The following OXNAD1 variants were observed in gnomAD, a reference collection of about 807,000 sequenced individuals.
OXNAD1 encodes the protein oxidoreductase NAD-binding domain-containing protein 1.
In OXNAD1, 34 loss-of-function variants were observed where a neutral mutation model predicts 32.9. The ratio of observed to expected loss-of-function variants is 1.03; its 90% CI spans 0.79 to 1.38. The LOEUF (loss-of-function observed/expected upper bound fraction) is 1.38. Among genes scored for constraint, OXNAD1 ranks in the 40% most tolerant of loss-of-function variants. The pLI is 0.00. For missense variants in OXNAD1, 407 were observed against 379.4 expected (o/e 1.07, Z -0.60); for synonymous variants, 134 against 135.2 (o/e 0.99, Z 0.06).
chr3:16,276,834 A>G (rs1295363872), intron 4 of OXNAD1, among the ~76,000 whole-genome samples: 1 of 152,156 alleles, frequency 6.6e-6, no homozygotes, highest in Non-Finnish European at 1.5e-5. Flanking sequence ...CCCACAAGTC[A>G]GAAAATTACA....
At position 16,271,147 on chromosome 3, in the gene OXNAD1, A is replaced by T. The variant is rs2064904921; in HGVS notation, c.119+76A>T. 6.6e-7 allele frequency: 1 copy of T among 1,522,308 alleles called. No individual in the cohort carries two copies. The highest frequency in any genetic ancestry group is 1.4e-5 in the African/African-American group (1 of 72,382). 94.3% of individuals were successfully genotyped at this position (1,522,308 alleles called of 1,614,324 possible). The stretch of plus-strand genomic sequence containing the variant: ...CGACCTGCTGATGGTTGTGGGAGGC[A>T]TATCAAACTCCCGGAAAGGTAACAC... On this transcript the variant is annotated intron_variant, in intron 3 of 8. Coordinates refer to ENST00000285083, the MANE Select transcript of OXNAD1 (RefSeq NM_138381.5). The surrounding 1 kb of genome is among the most constrained non-coding windows in gnomAD (Gnocchi z 4.6).
intron 4 of OXNAD1, chr3:16,272,429 G>T (rs113228139): frequency 0.044 from 5,524 of 124,754 alleles, 115 homozygotes; most frequent in Middle Eastern, 0.096. Context: ...ATAAGTATAT[G>T]TAAGCTAACA....
intron 4 of OXNAD1, chr3:16,272,202 G>C: frequency 4.4e-6 from 2 of 450,188 alleles, no homozygotes; most frequent in Non-Finnish European, 8.9e-6. Context: ...AAGTGGACGA[G>C]CTCTTGTTAC....
At chr3:16,292,230 C>T (rs111273930) in intron 5 of OXNAD1, among the ~76,000 whole-genome samples, 4,740 of 143,896 alleles carry the variant, frequency 0.033, 103 homozygotes, top group Middle Eastern at 0.092. Flanking sequence ...CTCACTCTGT[C>T]GCCCAGGCTG....
rs956851016 is a variant in OXNAD1 at position 16,312,647 on chromosome 3, T to C, written c.*30+9055T>C. Among the ~76,000 whole-genome samples, 1 of 152,212 alleles carries C rather than the reference T, an allele frequency of 6.6e-6. No individual in the cohort carries two copies. The highest frequency in any genetic ancestry group is 1.5e-5 in the Non-Finnish European group (1 of 68,018). Reference sequence around the variant, plus strand: ...ACGAGTCGTGAGTTTGGGGTCAACCTATTCCTACTAATAAGCACTGTCTAC... The same window carrying C: ...ACGAGTCGTGAGTTTGGGGTCAACCCATTCCTACTAATAAGCACTGTCTAC... On this transcript the variant is annotated intron_variant, in intron 9 of 9. Coordinates refer to the OXNAD1 transcript ENST00000435829. This position sits in a 1 kb window ranked among gnomAD's most constrained non-coding sequence, Gnocchi z 4.7.
chr3:16,328,457 C>T (rs1274423795), intron 9 of OXNAD1, among the ~76,000 whole-genome samples: 1 of 152,188 alleles, frequency 6.6e-6, no homozygotes, highest in Non-Finnish European at 1.5e-5. Context: ...ACCTACCTGC[C>T]CTGTCTCTTC....
At chr3:16,307,736 AC>A (rs2067662139), downstream of OXNAD1, among the ~76,000 whole-genome samples, 2 of 83,882 alleles carry the variant, frequency 2.4e-5, no homozygotes, top group Non-Finnish European at 4.4e-5. Flanking sequence ...TATTTTTTAA[AC>A]TTTTTGTTTT....
Position 16,301,875 on chromosome 3 carries a change from G to A in OXNAD1, c.675+7G>A, listed in dbSNP as rs1323460114. On this transcript the variant is annotated splice_region_variant and intron_variant, in intron 7 of 8. Transcript: ENST00000285083. This position sits in a 1 kb window ranked among gnomAD's most constrained non-coding sequence, Gnocchi z 4.1. ...CAGCGAACTCCTGTTTAAGGTAAGG[G>A]AGGTATAGCTTGCTGTAAGCAAACT... 1 of 1,612,230 alleles carries A rather than the reference G, an allele frequency of 6.2e-7. No homozygotes were observed. The highest frequency in any genetic ancestry group is 2.2e-5 in the East Asian group (1 of 44,842).
chr3:16,278,494 A>T (rs1160897805), intron 4 of OXNAD1, among the ~76,000 whole-genome samples: 5 of 152,164 alleles, frequency 3.3e-5, no homozygotes, highest in Non-Finnish European at 7.4e-5. Flanking sequence ...CTGCTTCCTC[A>T]TTTGCCTGAA....
Position 16,271,764 on chromosome 3 carries a change from GT to G in OXNAD1, c.183+45del. 6 of 1,538,712 alleles carry G rather than the reference GT, an allele frequency of 3.9e-6. No homozygotes were observed. Among genetic ancestry groups the G allele is most frequent in the Non-Finnish European group, 5.3e-6 (6 of 1,127,836 alleles). On this transcript the variant is annotated intron_variant, in intron 4 of 8. Coordinates refer to ENST00000285083, the MANE Select transcript of OXNAD1 (RefSeq NM_138381.5). This position sits in a 1 kb window ranked among gnomAD's most constrained non-coding sequence, Gnocchi z 4.6. ...TATGACAGGTTTTTCCAGCTAGACC[GT>G]TTACATGTGGTTATGACTGGCTTAT...
intron 1 of OXNAD1, among the ~76,000 whole-genome samples, chr3:16,266,774 A>T (rs2064550012): frequency 6.6e-6 from 1 of 152,150 alleles, no homozygotes; most frequent in Admixed American, 6.5e-5. Context: ...ATTAGGATTG[A>T]TTTTAGTAAC....
At chr3:16,343,063 T>C (rs2071416617) in intron 9 of OXNAD1, among the ~76,000 whole-genome samples, 1 of 152,170 alleles carries the variant, frequency 6.6e-6, no homozygotes, top group African/African-American at 2.4e-5. Flanking sequence ...CAGGCTGGTT[T>C]TGAACTCCTG....
In OXNAD1 at chr3:16,321,593, C is replaced by G. The variant is rs1233332968; in HGVS notation, c.*31-15519C>G. 6.6e-6 allele frequency among the ~76,000 whole-genome samples: 1 copy of G among 152,198 alleles called. No individual in the cohort carries two copies. The highest frequency in any genetic ancestry group is 1.5e-5 in the Non-Finnish European group (1 of 68,024). Reference sequence around the variant, plus strand: ...CAAGGAGTCTGGCTGTGAAGCCCCCCTCTCTGGAGGACTCCCATCTGTGAG... The same window carrying G: ...CAAGGAGTCTGGCTGTGAAGCCCCCGTCTCTGGAGGACTCCCATCTGTGAG... On this transcript the variant is annotated intron_variant, in intron 9 of 9. Transcript: ENST00000435829. This position sits in a 1 kb window ranked among gnomAD's most constrained non-coding sequence, Gnocchi z 4.8.
rs1404628553 is a variant in OXNAD1 at position 16,298,310 on chromosome 3, TC to T, written c.433-3314del. Among the ~76,000 whole-genome samples the T allele has an allele frequency of 6.6e-6, 1 of 152,126 alleles. No homozygotes were observed. The highest frequency in any genetic ancestry group is 2.4e-5 in the African/African-American group (1 of 41,422). On this transcript the variant is annotated intron_variant, in intron 6 of 8. Transcript: ENST00000285083. The surrounding 1 kb of genome is among the most constrained non-coding windows in gnomAD (Gnocchi z 5.1). ...TTGAAATAAGCATAGCCATCCCAGT[TC>T]CTAGTGCCATGAACATCTCCCCATC... is the stretch of plus-strand genomic sequence containing the variant.
chr3:16,341,870 T>TA (rs1203975226), downstream of OXNAD1, among the ~76,000 whole-genome samples: 2 of 152,144 alleles, frequency 1.3e-5, no homozygotes, highest in Non-Finnish European at 2.9e-5. This position sits in a 1 kb window ranked among gnomAD's most constrained non-coding sequence, Gnocchi z 4.7. Context: ...ACCATTTTTG[T>TA]AAAAAATATG....
chr3:16,345,856 A>G lies in OXNAD1; in HGVS notation c.*31-3320A>G, dbSNP rs532818186. ...CGCGCACGCGCACATGTGCATGTGTATGTGTATAATCTCCTACTGGTTCTG... is the reference window on the plus strand; with the variant it reads ...CGCGCACGCGCACATGTGCATGTGTGTGTGTATAATCTCCTACTGGTTCTG... On this transcript the variant is annotated intron_variant, in intron 9 of 9. Coordinates refer to the OXNAD1 transcript ENST00000606098. The surrounding 1 kb of genome is among the most constrained non-coding windows in gnomAD (Gnocchi z 5.2). Among the ~76,000 whole-genome samples, 1,077 of 41,388 alleles carry G rather than the reference A, an allele frequency of 0.026. 8 individuals are homozygous for G. The highest frequency in any genetic ancestry group is 0.074 in the African/African-American group (498 of 6,702). 27.2% of individuals were successfully genotyped at this position (41,388 alleles called of 152,430 possible). A position where few individuals can be genotyped will look rare whatever the true frequency, so the allele number is the denominator to read the frequency against.
At chr3:16,293,765 C>T (rs1286728845) in intron 5 of OXNAD1, among the ~76,000 whole-genome samples, 1 of 152,182 alleles carries the variant, frequency 6.6e-6, no homozygotes, top group African/African-American at 2.4e-5. Context: ...CAGCATTTCA[C>T]CATTAAGTAG....
intron 4 of OXNAD1, among the ~76,000 whole-genome samples, chr3:16,278,531 C>G (rs2065511566): frequency 6.6e-6 from 1 of 152,182 alleles, no homozygotes; most frequent in Admixed American, 6.5e-5. Flanking sequence ...CCTCTCGTTC[C>G]TGGTGTAATA....
intron 4 of OXNAD1, among the ~76,000 whole-genome samples, chr3:16,281,886 A>G (rs1418936485): frequency 6.6e-6 from 1 of 150,560 alleles, no homozygotes; most frequent in Non-Finnish European, 1.5e-5. Flanking sequence ...TGTTTATAAA[A>G]TAACATTTCT....
Sources: allele counts gnomAD v4.1 joint callset (sites outside exome capture counted in the v4.1 genomes callset), GRCh38; gene constraint gnomAD v4.1.1; non-coding constraint Gnocchi (gnomAD v3.1); transcripts MANE v1.5; gene names NCBI Gene and HGNC (gene_info 2026-07-23, HGNC 2026-07-21).